MAP9: variants seen among roughly 807,000 people sequenced by gnomAD.
MAP9 encodes microtubule-associated protein 9.
MAP9 carries 80 observed loss-of-function variants against 75.2 expected under a neutral mutation model. That is an observed-to-expected ratio of 1.06 (90% CI 0.89 to 1.28). The LOEUF is 1.28. MAP9 is among the 50% of genes most tolerant of loss of function. The probability of loss-of-function intolerance (pLI) is 0.00; values close to 1 mark genes in which losing one functional copy is unlikely to be tolerated. For synonymous variants in MAP9, 235 were observed against 237.3 expected, an observed-to-expected ratio of 0.99 and a Z score of 0.09; for missense variants, 753 against 719.9, an observed-to-expected ratio of 1.05 and a Z score of -0.53.
intron 10 of MAP9, chr4:155,354,154 C>G (rs557946731): frequency 6.6e-6 from 1 of 152,186 alleles, no homozygotes; most frequent in South Asian, 2.1e-4. Flanking sequence ...TCACTACTGA[C>G]GCATTATCGT....
chr4:155,361,995 A>G, intron 6 of MAP9, 53 bp downstream of exon 6: 1 of 976,478 alleles, frequency 1.0e-6, no homozygotes. Flanking sequence ...TACAAACAGG[A>G]GTCTAAGTAG....
chr4:155,374,439 AT>A (rs1203252621), intron 3 of MAP9, among the ~76,000 whole-genome samples: 2 of 152,204 alleles, frequency 1.3e-5, no homozygotes, highest in African/African-American at 2.4e-5. Context: ...GAGAAACCAA[AT>A]TATAATAGTA....
intron 5 of MAP9, among the ~76,000 whole-genome samples, chr4:155,366,413 T>A (rs1194484368): frequency 6.6e-6 from 1 of 151,490 alleles, no homozygotes; most frequent in Admixed American, 6.6e-5. Context: ...GAAATAATAC[T>A]GAAAATCAAT....
chr4:155,353,482 T>A, intron 10 of MAP9, 142 bp from the exon 11 acceptor site: 1 of 708,726 alleles, frequency 1.4e-6, no homozygotes, highest in Non-Finnish European at 2.0e-6. Flanking sequence ...ACTTTCAAAG[T>A]AGGTAATTTA....
Position 155,368,804 on chromosome 4 carries a change from TG to T in MAP9, c.489del (p.Asn163LysfsTer20). The T allele has an allele frequency of 6.2e-7, 1 of 1,600,654 alleles. No individual in the cohort carries two copies. The highest frequency in any genetic ancestry group is 8.5e-7 in the Non-Finnish European group (1 of 1,174,858). On this transcript the variant is annotated frameshift_variant, in exon 5 of 14. Coordinates refer to ENST00000311277, the MANE Select transcript of MAP9 (RefSeq NM_001039580.2). LOFTEE classifies it high-confidence loss of function. ...AAGTGATCATCTGTGTCAAGGCTGTTGTTTTCTGCTGAAAAATAAAATGCTT... is the reference window on the plus strand; with the variant it reads ...AAGTGATCATCTGTGTCAAGGCTGTTTTTTCTGCTGAAAAATAAAATGCTT... ...LSIKSTSSAE[N>X]NSLDTDDHFK...
In MAP9 at chr4:155,373,289, T is replaced by C. The variant is rs1009130654; in HGVS notation, c.328A>G (p.Ile110Val). 12 of 1,613,868 alleles carry C rather than the reference T, an allele frequency of 7.4e-6. No homozygotes were observed. The highest frequency in any genetic ancestry group is 1.0e-5 in the Non-Finnish European group (12 of 1,179,974). Residue 110 changes from isoleucine (I) to valine (V), a missense_variant, in exon 4 of 14, where the codon ATC (isoleucine) becomes GTC (valine). Ile to Val is a conservative substitution (Grantham distance 29, BLOSUM62 3). Transcript: ENST00000311277. ...NITKDEPVCA[I>V]KNEEEMAPDG... ...GGTGCCATTTCCTCTTCATTTTTGA[T>C]GGCACACACTGGCTCATCTTTGGTT...
Position 155,369,940 on chromosome 4 carries a change from G to T in MAP9, c.482-1128C>A, listed in dbSNP as rs557265223. On this transcript the variant is annotated intron_variant, in intron 4 of 13. Transcript: ENST00000311277. ...TGCTATACATATTTATGTTTCTATT[G>T]TTCTACAAATGCATTTTTCTCAACT... 1.4e-4 allele frequency among the ~76,000 whole-genome samples: 22 copies of T among 152,100 alleles called. No individual in the cohort carries two copies. The South Asian group carries it at 4.6e-3, about 32-fold the overall frequency.
At chr4:155,353,418 A>T in intron 10 of MAP9, 78 bp from the exon 11 acceptor site, 1 of 1,147,392 alleles carries the variant, frequency 8.7e-7, no homozygotes, top group Non-Finnish European at 1.1e-6. Context: ...AGATATAAAT[A>T]TACACATATA....
chr4:155,362,076 T>C lies in MAP9; in HGVS notation c.774A>G (p.Pro258=), dbSNP rs776020862. Residue 258 remains proline, a synonymous_variant, in exon 6 of 14, where the codon CCA becomes CCG. Coordinates refer to ENST00000311277, the MANE Select transcript of MAP9 (RefSeq NM_001039580.2). ...TTCCAGATGCGTTTCCCTCAGATCC[T>C]GGTGAAAAAGAATCTCCAAGAATTT... is the stretch of plus-strand genomic sequence containing the variant. The part of the protein sequence containing the change: ...LKQILGDSFS[P]GSEGNASGKD... The C allele has an allele frequency of 6.2e-7, 1 of 1,601,724 alleles. No individual in the cohort carries two copies. The highest frequency in any genetic ancestry group is 1.1e-5 in the South Asian group (1 of 88,286).
At chr4:155,352,873 A>G in intron 12 of MAP9, 39 bp downstream of exon 12, 1 of 1,456,458 alleles carries the variant, frequency 6.9e-7, no homozygotes, top group Middle Eastern at 2.0e-4. Context: ...GTGTTACTAT[A>G]ATTTAAAATA....
chr4:155,375,986 C>T (rs1732823468), intron 1 of MAP9, 72 bp from the exon 2 acceptor site: 2 of 575,508 alleles, frequency 3.5e-6, no homozygotes, highest in South Asian at 4.8e-5. Flanking sequence ...TCTACTCTCC[C>T]CACAAAGGTC....
chr4:155,372,243 C>T (rs1035722598), intron 4 of MAP9, among the ~76,000 whole-genome samples: 3 of 152,178 alleles, frequency 2.0e-5, no homozygotes, highest in South Asian at 2.1e-4. Context: ...TTTTGTCTGA[C>T]GTTACCACTG....
chr4:155,366,157 G>A (rs1028703183), intron 5 of MAP9, among the ~76,000 whole-genome samples: 3 of 151,992 alleles, frequency 2.0e-5, no homozygotes, highest in Non-Finnish European at 4.4e-5. Flanking sequence ...TCAGGAGATC[G>A]AGACCATCCT....
chr4:155,367,943 C>T (rs1732404291), intron 5 of MAP9, among the ~76,000 whole-genome samples: 1 of 152,208 alleles, frequency 6.6e-6, no homozygotes, highest in South Asian at 2.1e-4. Flanking sequence ...AAATGTTCTT[C>T]CTGTACTTTT....
chr4:155,343,703 AATATATGCTATCAAAAAGCAGACATTAAT>A lies in MAP9; in HGVS notation c.*4051_*4079del, dbSNP rs1317936849. 6.6e-6 allele frequency: 1 copy of A among 151,286 alleles called. No individual in the cohort carries two copies. Among genetic ancestry groups the A allele is most frequent in the Non-Finnish European group, 1.5e-5 (1 of 67,624 alleles). The allele number at this position is 151,286 out of a possible 1,614,324, so 9.4% of individuals were successfully genotyped here. A position where few individuals can be genotyped will look rare whatever the true frequency, so the allele number is the denominator to read the frequency against. ...TTTAATACACTAAACATTACATGAA[AATATATGCTATCAAAAAGCAGACATTAAT>A]ATCTTCTTAATAATTTTTAAAACAT... On this transcript the variant is annotated 3_prime_UTR_variant, in exon 14 of 14. Transcript: ENST00000311277.
rs147767242 is a variant in MAP9, at chr4:155,355,865, A to T, written c.1141T>A (p.Leu381Met). 4.8e-5 allele frequency: 77 copies of T among 1,613,128 alleles called. No individual in the cohort carries two copies. In the African/African-American group the frequency reaches 9.5e-4, roughly 20 times the overall value. ...CTCCTTTTAGAACTAGATTTCTTCA[A>T]AAACTCAGAGGTCATTAATCTGAAA... The part of the protein sequence containing the change: ...ASARLMTSEF[L>M]KKSSSKRRTP... The change falls in exon 9 of 14, where the codon TTG (leucine) becomes ATG (methionine). Residue 381 changes from leucine to methionine, a missense_variant. Physicochemically the swap from Leu to Met is conservative, Grantham distance 15 (BLOSUM62 2). Coordinates refer to ENST00000311277, the MANE Select transcript of MAP9 (RefSeq NM_001039580.2).
In MAP9 at chr4:155,347,719, T is replaced by C. The variant is rs569825712; in HGVS notation, c.*64A>G. 6.6e-5 allele frequency: 96 copies of C among 1,454,738 alleles called. No homozygotes were observed. The African/African-American group carries it at 1.2e-3, about 18-fold the overall frequency. 90.1% of individuals were successfully genotyped at this position (1,454,738 alleles called of 1,614,324 possible). On this transcript the variant is annotated 3_prime_UTR_variant, in exon 14 of 14. Coordinates refer to ENST00000311277, the MANE Select transcript of MAP9 (RefSeq NM_001039580.2). ...CCTCTAACTATAAATAATTGAATGG[T>C]TTTAAATCTATGGCTAATATTGGCA...
Position 155,375,929 on chromosome 4 carries a change from A to G in MAP9, c.-64-15T>C. 1 of 908,490 alleles carries G rather than the reference A, an allele frequency of 1.1e-6. No homozygotes were observed. The highest frequency in any genetic ancestry group is 2.4e-5 in the East Asian group (1 of 41,006). 56.3% of individuals were successfully genotyped at this position (908,490 alleles called of 1,614,324 possible). ...TCTGATAGTAGCTGAAATATACAAA[A>G]CAAATCAGACTTCGCATGCTTCAGA... On this transcript the variant is annotated splice_polypyrimidine_tract_variant and intron_variant, in intron 1 of 13. Coordinates refer to ENST00000311277, the MANE Select transcript of MAP9 (RefSeq NM_001039580.2).
rs1351463866 is a variant in MAP9 at position 155,352,717 on chromosome 4, T to C, written c.1700A>G (p.Lys567Arg). ...TTCCTTTTGCTTGAAAAAAGCTTCC[T>C]TTTTTTCATTCCTATAGAGCATAGT... ...LTAVEKWNEK[K>R]EAFFKQKEKE... The change falls in exon 13 of 14, where the codon AAG becomes AGG. Residue 567 changes from lysine to arginine, a missense_variant. Transcript: ENST00000311277. 3 of 1,551,392 alleles carry C rather than the reference T, an allele frequency of 1.9e-6. No individual in the cohort carries two copies. In the South Asian group the frequency reaches 3.5e-5, roughly 18 times the overall value.
Sources: allele counts gnomAD v4.1 joint callset (sites outside exome capture counted in the v4.1 genomes callset), GRCh38; gene constraint gnomAD v4.1.1; transcripts MANE v1.5; gene names NCBI Gene and HGNC (gene_info 2026-07-23, HGNC 2026-07-21).